Variants in CMKLR1 observed in about 807,000 individuals in gnomAD.
CMKLR1 encodes the protein chemerin chemokine-like receptor 1.
A neutral mutation model predicts 8.2 loss-of-function variants in CMKLR1; 6 were observed. The ratio of observed to expected loss-of-function variants is 0.73; its 90% CI spans 0.40 to 1.44. The LOEUF is 1.44. Ranked by LOEUF, CMKLR1 falls within the 40% of genes most tolerant of loss-of-function variation. The probability of loss-of-function intolerance (pLI) is 0.02; values close to 1 mark genes in which losing one functional copy is unlikely to be tolerated. For synonymous variants in CMKLR1, 178 were observed against 181.2 expected, an observed-to-expected ratio of 0.98 and a Z score of 0.14; for missense variants, 429 against 478.0, an observed-to-expected ratio of 0.90 and a Z score of 0.96.
At position 108,323,718 on chromosome 12, in the gene CMKLR1, G is replaced by A. The variant is rs560411405; in HGVS notation, c.-74+6277C>T. 3.9e-5 allele frequency among the ~76,000 whole-genome samples: 6 copies of A among 152,130 alleles called. No individual in the cohort carries two copies. The South Asian group carries it at 1.0e-3, about 26-fold the overall frequency. On this transcript the variant is annotated intron_variant, in intron 2 of 3. Transcript: ENST00000550402. The stretch of plus-strand genomic sequence containing the variant: ...GACTTGGGGTGCAGTCCCTGCCTGA[G>A]CTCACAAACAAGCTTGGCTGGAGAA...
At chr12:108,331,370 A>T (rs10861893) in intron 1 of CMKLR1, among the ~76,000 whole-genome samples, 1 of 151,860 alleles carries the variant, frequency 6.6e-6, no homozygotes, top group Admixed American at 6.6e-5. Context: ...CCTGATAATC[A>T]CTGAATACTC....
At chr12:108,317,799 T>C (rs953869218) in intron 2 of CMKLR1, 1 of 152,210 alleles carries the variant, frequency 6.6e-6, no homozygotes, top group African/African-American at 2.4e-5. Context: ...TCTAAAACTA[T>C]AGAAAGATTA....
intron 2 of CMKLR1, among the ~76,000 whole-genome samples, chr12:108,312,205 G>C (rs1308666853): frequency 6.6e-6 from 1 of 152,224 alleles, no homozygotes; most frequent in African/African-American, 2.4e-5. Context: ...AAAGGAACCA[G>C]ATCAGGATCG....
chr12:108,307,770 G>A (rs768243544), intron 2 of CMKLR1, among the ~76,000 whole-genome samples: 7 of 152,158 alleles, frequency 4.6e-5, no homozygotes, highest in East Asian at 3.8e-4. Flanking sequence ...GGCCTCAGTC[G>A]GGACAGGGCA....
intron 2 of CMKLR1, among the ~76,000 whole-genome samples, chr12:108,298,084 T>C (rs1420116640): frequency 1.3e-5 from 2 of 152,210 alleles, no homozygotes; most frequent in African/African-American, 4.8e-5. Flanking sequence ...TGATCATCCA[T>C]GTTCTACAAC....
intron 2 of CMKLR1, among the ~76,000 whole-genome samples, chr12:108,299,700 G>GGGAT (rs1182726963): frequency 1.3e-5 from 2 of 152,180 alleles, no homozygotes; most frequent in Admixed American, 6.5e-5. Context: ...AGGCCATGTG[G>GGGAT]GGATGGAGGC....
intron 3 of CMKLR1, 56 bp from the exon 4 acceptor site, chr12:108,293,015 G>T: frequency 6.7e-7 from 1 of 1,498,414 alleles, no homozygotes; most frequent in South Asian, 1.3e-5. Context: ...TTAAGAGGTT[G>T]ACCAATACCA....
intron 2 of CMKLR1, among the ~76,000 whole-genome samples, chr12:108,313,604 C>T (rs1891641910): frequency 6.6e-6 from 1 of 152,176 alleles, no homozygotes; most frequent in Non-Finnish European, 1.5e-5. Flanking sequence ...TGCCAGAAAC[C>T]AAGGGGTGTC....
At chr12:108,295,085 A>G (rs890493196) in intron 2 of CMKLR1, among the ~76,000 whole-genome samples, 3 of 152,154 alleles carry the variant, frequency 2.0e-5, no homozygotes, top group African/African-American at 4.8e-5. Flanking sequence ...GAATGCAGAG[A>G]GAAGATGGGG....
chr12:108,317,893 T>G (rs1212885818), intron 2 of CMKLR1: 1 of 152,268 alleles, frequency 6.6e-6, no homozygotes, highest in African/African-American at 2.4e-5. Flanking sequence ...TCATGTCTCC[T>G]TCCAGAGTTT....
intron 1 of CMKLR1, among the ~76,000 whole-genome samples, chr12:108,336,374 G>A (rs576536287): frequency 4.4e-4 from 67 of 152,214 alleles, no homozygotes; most frequent in African/African-American, 8.9e-4. Context: ...GTGAAACCCC[G>A]TCTCTACTAA....
intron 2 of CMKLR1, among the ~76,000 whole-genome samples, chr12:108,296,750 C>CAGGA (rs1231808437): frequency 6.6e-6 from 1 of 152,034 alleles, no homozygotes; most frequent in Non-Finnish European, 1.5e-5. Context: ...TGCTTGAACC[C>CAGGA]AGGAGCGGAG....
At chr12:108,295,759 G>A (rs906364972) in intron 2 of CMKLR1, among the ~76,000 whole-genome samples, 1 of 152,276 alleles carries the variant, frequency 6.6e-6, no homozygotes, top group East Asian at 1.9e-4. Flanking sequence ...AGTCCCGAGA[G>A]GAGGTCGAGG....
rs1036154889 is a variant in CMKLR1 at position 108,314,338 on chromosome 12, C to T, written c.-74+15657G>A. On this transcript the variant is annotated intron_variant, in intron 2 of 3. Coordinates refer to ENST00000550402, the MANE Select transcript of CMKLR1 (RefSeq NM_001142343.2). ...GACCCAGTTACATGAGTCACATGCTCCTTGCTAAAAACCAAACCCACTCAG... is the reference window on the plus strand; with the variant it reads ...GACCCAGTTACATGAGTCACATGCTTCTTGCTAAAAACCAAACCCACTCAG... 2.6e-5 allele frequency among the ~76,000 whole-genome samples: 4 copies of T among 152,150 alleles called. No individual in the cohort carries two copies. In the South Asian group the frequency reaches 8.3e-4, roughly 32 times the overall value.
At chr12:108,335,881 T>C (rs1006966267) in intron 1 of CMKLR1, among the ~76,000 whole-genome samples, 9 of 152,226 alleles carry the variant, frequency 5.9e-5, no homozygotes, top group African/African-American at 2.2e-4. Flanking sequence ...GAAAGGATTC[T>C]GCAACTGAAA....
chr12:108,300,683 C>T (rs1454434091), intron 2 of CMKLR1, among the ~76,000 whole-genome samples: 1 of 152,160 alleles, frequency 6.6e-6, no homozygotes, highest in Non-Finnish European at 1.5e-5. Context: ...CATTACTTAG[C>T]CCTCTCTACA....
chr12:108,318,429 C>T (rs1434255053), intron 2 of CMKLR1, among the ~76,000 whole-genome samples: 3 of 152,188 alleles, frequency 2.0e-5, no homozygotes, highest in Non-Finnish European at 2.9e-5. Context: ...GTCAGAGAAC[C>T]TTGGTTCTTA....
In CMKLR1 at chr12:108,290,003, G is replaced by C. The variant is rs1435130220; in HGVS notation, c.*1838C>G. Reference sequence around the variant, plus strand: ...GCCAAAGGGCCTCAGGCCCACAAGGGACTGCCTCCTGCCAGCTTTCCCTCC... The same window carrying C: ...GCCAAAGGGCCTCAGGCCCACAAGGCACTGCCTCCTGCCAGCTTTCCCTCC... On this transcript the variant is annotated 3_prime_UTR_variant, in exon 4 of 4. Transcript: ENST00000550402. 1.3e-5 allele frequency: 2 copies of C among 152,252 alleles called. No homozygotes were observed. Among genetic ancestry groups the C allele is most frequent in the Non-Finnish European group, 2.9e-5 (2 of 68,062 alleles). The allele number at this position is 152,252 out of a possible 1,614,324, so 9.4% of individuals were successfully genotyped here. A position where few individuals can be genotyped will look rare whatever the true frequency, so the allele number is the denominator to read the frequency against.
At position 108,292,294 on chromosome 12, in the gene CMKLR1, G is replaced by A. The variant is rs560642313; in HGVS notation, c.669C>T (p.Thr223=). The A allele has an allele frequency of 6.2e-7, 1 of 1,614,154 alleles. No individual in the cohort carries two copies. Among genetic ancestry groups the A allele is most frequent in the Admixed American group, 1.7e-5 (1 of 60,024 alleles). The stretch of plus-strand genomic sequence containing the variant: ...GGACCAGGAAGCCACAGAGGAAGCG[G>A]GTGACAGTCACCACCATGTGCCGGC... The part of the protein sequence containing the change: ...GYSRHMVVTV[T]RFLCGFLVPV... Residue 223 remains threonine, a synonymous_variant, in exon 4 of 4, where the codon ACC becomes ACT. Transcript: ENST00000550402.
Sources: gnomAD v4.1 joint callset for allele counts (sites outside exome capture counted in the v4.1 genomes callset) on GRCh38, gnomAD v4.1.1 for gene constraint, MANE v1.5 for transcripts, NCBI Gene and HGNC (gene_info 2026-07-23, HGNC 2026-07-21) for gene names.